CMA1: variants seen among roughly 807,000 people sequenced by gnomAD.
CMA1 encodes chymase.
CMA1 carries 24 observed loss-of-function variants against 18.8 expected under a neutral mutation model. That is an observed-to-expected ratio of 1.28 (90% CI 0.92 to 1.80). The LOEUF is 1.80. Ranked by LOEUF, CMA1 falls within the 40% of genes most tolerant of loss-of-function variation. The probability of loss-of-function intolerance (pLI) is 0.00; values close to 1 mark genes in which losing one functional copy is unlikely to be tolerated. For missense variants in CMA1, 421 were observed against 302.8 expected, an observed-to-expected ratio of 1.39 and a Z score of -2.90; for synonymous variants, 152 against 117.0, an observed-to-expected ratio of 1.30 and a Z score of -1.93.
chr14:24,506,722 C>T (rs2043860795), intron 2 of CMA1, 118 bp from the exon 3 acceptor site: 2 of 1,267,904 alleles, frequency 1.6e-6, no homozygotes, highest in African/African-American at 3.0e-5. Context: ...CGGACTCTAC[C>T]CATCTCCCTT....
At position 24,505,423 on chromosome 14, in the gene CMA1, T is replaced by C; in HGVS notation, c.*93A>G. The stretch of plus-strand genomic sequence containing the variant: ...ACTTCTGGAGGCTTAGGGTTGTGGC[T>C]GAGGGACCAAGGGTAGACCAGAATG... On this transcript the variant is annotated 3_prime_UTR_variant, in exon 5 of 5. Coordinates refer to ENST00000250378, the MANE Select transcript of CMA1 (RefSeq NM_001836.5). 1 of 1,544,784 alleles carries C rather than the reference T, an allele frequency of 6.5e-7. No homozygotes were observed. Among genetic ancestry groups the C allele is most frequent in the Non-Finnish European group, 8.9e-7 (1 of 1,119,938 alleles).
chr14:24,506,319 G>C lies in CMA1; in HGVS notation c.346-37C>G. The C allele has an allele frequency of 2.5e-6, 4 of 1,606,664 alleles. No individual in the cohort carries two copies. In the East Asian group the frequency reaches 6.7e-5, roughly 27 times the overall value. On this transcript the variant is annotated intron_variant, in intron 3 of 4. Coordinates refer to ENST00000250378, the MANE Select transcript of CMA1 (RefSeq NM_001836.5). The stretch of plus-strand genomic sequence containing the variant: ...ATGAAGGACTGTCAGTCCTCGAAAT[G>C]GGCTCTGGACAGTTGGAGGTGATCA...
intron 3 of CMA1, 62 bp downstream of exon 3, chr14:24,506,407 A>G: frequency 1.2e-6 from 2 of 1,603,466 alleles, no homozygotes; most frequent in Non-Finnish European, 1.7e-6. Flanking sequence ...CAGGGCAATG[A>G]GGACCTGAAG....
intron 4 of CMA1, 100 bp downstream of exon 4, chr14:24,505,928 C>A: frequency 4.1e-6 from 6 of 1,472,610 alleles, no homozygotes; most frequent in Non-Finnish European, 5.6e-6. Flanking sequence ...GTGATGCTCA[C>A]CCTGTCACTG....
At chr14:24,507,260 A>C in intron 2 of CMA1, 96 bp downstream of exon 2, 1 of 1,447,496 alleles carries the variant, frequency 6.9e-7, no homozygotes, top group Non-Finnish European at 9.7e-7. Flanking sequence ...GACAAGACCC[A>C]GGACCCCCTC....
In CMA1 at chr14:24,506,183, A is replaced by G; in HGVS notation, c.445T>C (p.Trp149Arg). 1 of 1,614,170 alleles carries G rather than the reference A, an allele frequency of 6.2e-7. No homozygotes were observed. Among genetic ancestry groups the G allele is most frequent in the South Asian group, 1.1e-5 (1 of 91,074 alleles). ...PPGRMCRVAGWGRTGVLKPGS... is the reference protein window; with the variant it reads ...PPGRMCRVAGRGRTGVLKPGS... The stretch of plus-strand genomic sequence containing the variant: ...GGCTTCAACACACCTGTTCTTCCCC[A>G]GCCAGCCACCCGGCACATTCTCCCA... Residue 149 changes from tryptophan to arginine, a missense_variant, in exon 4 of 5, where the codon TGG becomes CGG. Physicochemically the swap from Trp to Arg is moderately radical, Grantham distance 101. Transcript: ENST00000250378.
At position 24,506,565 on chromosome 14, in the gene CMA1, C is replaced by T. The variant is rs766750699; in HGVS notation, c.249G>A (p.Glu83=). The T allele has an allele frequency of 1.9e-6, 3 of 1,614,104 alleles. No homozygotes were observed. Among genetic ancestry groups the T allele is most frequent in the South Asian group, 1.1e-5 (1 of 91,072 alleles). Residue 83 remains glutamate, a synonymous_variant, in exon 3 of 5, where the codon GAG becomes GAA. Coordinates refer to ENST00000250378, the MANE Select transcript of CMA1 (RefSeq NM_001836.5). ...TVTLGAHNIT[E]EEDTWQKLEV... ...CAAGCTTCTGCCATGTGTCTTCTTC[C>T]TCTGTTATGTTATGGGCTCCAAGGG... is the stretch of plus-strand genomic sequence containing the variant.
intron 2 of CMA1, 42 bp downstream of exon 2, chr14:24,507,314 G>A: frequency 1.2e-6 from 2 of 1,609,420 alleles, no homozygotes; most frequent in Non-Finnish European, 1.7e-6. Flanking sequence ...TACTCTGGTT[G>A]TTCATCTCCC....
chr14:24,506,336 A>G, intron 3 of CMA1, 54 bp from the exon 4 acceptor site: 1 of 1,599,296 alleles, frequency 6.3e-7, no homozygotes, highest in Admixed American at 1.7e-5. Context: ...GGACAGTTGG[A>G]GGTGATCAGG....
In CMA1 at chr14:24,507,336, A is replaced by C; in HGVS notation, c.209+20T>G. The C allele has an allele frequency of 1.2e-6, 2 of 1,614,088 alleles. No homozygotes were observed. Among genetic ancestry groups the C allele is most frequent in the Non-Finnish European group, 8.5e-7 (1 of 1,179,978 alleles). ...GTTGTTCATCTCCCATTTGGAGATAAATAGACCCTGTTGTCTCACCTTCCT... is the reference window on the plus strand; with the variant it reads ...GTTGTTCATCTCCCATTTGGAGATACATAGACCCTGTTGTCTCACCTTCCT... On this transcript the variant is annotated intron_variant, in intron 2 of 4. Coordinates refer to ENST00000250378, the MANE Select transcript of CMA1 (RefSeq NM_001836.5).
In CMA1 at chr14:24,505,513, G is replaced by A. The variant is rs767862206; in HGVS notation, c.*3C>T. ...CCCTTTCAGGCTGGCTCAGGATCCA[G>A]GATTAATTTGCCTGCAGGATCTGGT... On this transcript the variant is annotated 3_prime_UTR_variant, in exon 5 of 5. Coordinates refer to ENST00000250378, the MANE Select transcript of CMA1 (RefSeq NM_001836.5). The A allele has an allele frequency of 6.2e-7, 1 of 1,613,916 alleles. No individual in the cohort carries two copies. The highest frequency in any genetic ancestry group is 1.3e-5 in the African/African-American group (1 of 74,898).
rs1218079322 is a variant in CMA1 at position 24,507,276 on chromosome 14, T to C, written c.209+80A>G. On this transcript the variant is annotated intron_variant, in intron 2 of 4. Transcript: ENST00000250378. ...ACAAGACCCAGGACCCCCTCTTCAGTCCCCAGTGCAGGTGTATTCCTGGAT... is the reference window on the plus strand; with the variant it reads ...ACAAGACCCAGGACCCCCTCTTCAGCCCCCAGTGCAGGTGTATTCCTGGAT... The C allele has an allele frequency of 3.3e-6, 5 of 1,538,048 alleles. 1 individual carries two copies. In the East Asian group the frequency reaches 6.7e-5, roughly 21 times the overall value.
chr14:24,506,741 C>T (rs2043861010), intron 2 of CMA1, 137 bp from the exon 3 acceptor site: 2 of 1,035,204 alleles, frequency 1.9e-6, no homozygotes, highest in South Asian at 1.6e-5. Context: ...TTTTCATGGG[C>T]CACTTGTGGC....
Position 24,505,544 on chromosome 14 carries a change from C to A in CMA1, c.716G>T (p.Trp239Leu). The change falls in exon 5 of 5, where the codon TGG becomes TTG. Residue 239 changes from tryptophan to leucine, a missense_variant. Transcript: ENST00000250378. ...ATTTGCCTGCAGGATCTGGTTGATC[C>A]AGGGCCGGTAATGGGAGATTCGGGT... ...VFTRISHYRP[W>L]INQILQAN is the part of the protein sequence containing the mutation. 1 of 1,614,096 alleles carries A rather than the reference C, an allele frequency of 6.2e-7. No individual in the cohort carries two copies. Among genetic ancestry groups the A allele is most frequent in the East Asian group, 2.2e-5 (1 of 44,872 alleles).
At chr14:24,506,966 C>T (rs955857484) in intron 2 of CMA1, among the ~76,000 whole-genome samples, 2 of 152,182 alleles carry the variant, frequency 1.3e-5, no homozygotes, top group African/African-American at 4.8e-5. Flanking sequence ...AGACCCTGTT[C>T]TCTGCCTCCC....
At position 24,506,148 on chromosome 14, in the gene CMA1, G is replaced by T; in HGVS notation, c.480C>A (p.Asp160Glu). ...GRTGVLKPGS[D>E]TLQEVKLRLM... ...GTCTCAGCTTCACCTCTTGCAGAGTGTCTGAGCCCGGCTTCAACACACCTG... is the reference window on the plus strand; with the variant it reads ...GTCTCAGCTTCACCTCTTGCAGAGTTTCTGAGCCCGGCTTCAACACACCTG... The change falls in exon 4 of 5, where the codon GAC (aspartate) becomes GAA (glutamate). Residue 160 changes from aspartate (D) to glutamate (E), a missense_variant. Asp to Glu is a conservative substitution (Grantham distance 45). Coordinates refer to ENST00000250378, the MANE Select transcript of CMA1 (RefSeq NM_001836.5). The T allele has an allele frequency of 6.2e-7, 1 of 1,614,184 alleles. No homozygotes were observed. Among genetic ancestry groups the T allele is most frequent in the Non-Finnish European group, 8.5e-7 (1 of 1,180,044 alleles).
At position 24,505,583 on chromosome 14, in the gene CMA1, G is replaced by T. The variant is rs764546466; in HGVS notation, c.677C>A (p.Pro226His). ...GGAGATTCGGGTGAAGACAGCAGGG[G>T]GCTTTGCATCCGACCGTCCATAGGA... ...IVSYGRSDAK[P>H]PAVFTRISHY... Residue 226 changes from proline to histidine, a missense_variant, in exon 5 of 5, where the codon CCC (proline) becomes CAC (histidine). By Grantham distance (77) the Pro-to-His change is moderately conservative. Coordinates refer to ENST00000250378, the MANE Select transcript of CMA1 (RefSeq NM_001836.5). 6.2e-7 allele frequency: 1 copy of T among 1,614,032 alleles called. No homozygotes were observed. The highest frequency in any genetic ancestry group is 1.1e-5 in the South Asian group (1 of 91,064).
At chr14:24,505,987 G>A in intron 4 of CMA1, 41 bp downstream of exon 4, 1 of 1,606,226 alleles carries the variant, frequency 6.2e-7, no homozygotes, top group Non-Finnish European at 8.5e-7. Flanking sequence ...TCTGGTCCCT[G>A]AACAGTGAGT....
Position 24,505,668 on chromosome 14 carries a change from G to A in CMA1, c.601-9C>T, listed in dbSNP as rs914451934. On this transcript the variant is annotated splice_polypyrimidine_tract_variant and intron_variant, in intron 4 of 4. Transcript: ENST00000250378. ...GGGCCCCCAGAGTCTCCCTGTAGGG[G>A]GAGGAGAGAGAGAAGAAGGTGAGCC... 5.0e-6 allele frequency: 8 copies of A among 1,594,216 alleles called. No homozygotes were observed. The highest frequency in any genetic ancestry group is 1.3e-5 in the African/African-American group (1 of 74,230).
Sources: allele counts gnomAD v4.1 joint callset (sites outside exome capture counted in the v4.1 genomes callset), GRCh38; gene constraint gnomAD v4.1.1; transcripts MANE v1.5; gene names NCBI Gene and HGNC (gene_info 2026-07-23, HGNC 2026-07-21).